The following EMCN variants were observed in gnomAD, a reference collection of about 807,000 sequenced individuals.
The protein encoded by EMCN is endomucin.
In EMCN, 37 loss-of-function variants were observed where a neutral mutation model predicts 38.4. The observed-to-expected ratio is 0.96, with a 90% CI of 0.74 to 1.27. The LOEUF (loss-of-function observed/expected upper bound fraction) is 1.27. Among genes scored for constraint, EMCN ranks in the 50% most tolerant of loss-of-function variants. The pLI is 0.00. For synonymous variants in EMCN, 95 were observed against 100.8 expected (o/e 0.94, Z 0.35); for missense variants, 318 against 302.8 (o/e 1.05, Z -0.37).
chr4:100,487,559 C>A (rs529838687), intron 1 of EMCN, among the ~76,000 whole-genome samples: 25 of 152,298 alleles, frequency 1.6e-4, no homozygotes, highest in African/African-American at 5.5e-4. Context: ...ATTGTGATCT[C>A]CATAATCCCC....
At chr4:100,402,653 A>G (rs761025490) in intron 11 of EMCN, among the ~76,000 whole-genome samples, 15 of 152,196 alleles carry the variant, frequency 9.9e-5, no homozygotes, top group Non-Finnish European at 2.1e-4. Context: ...AAGGAGCAAT[A>G]AAAGTTATTT....
rs114784883 is a variant in EMCN at position 100,401,660 on chromosome 4, A to G, written c.*40-3287T>C. 8.5e-3 allele frequency among the ~76,000 whole-genome samples: 1,297 copies of G among 152,310 alleles called. 11 individuals carry two copies. Among genetic ancestry groups the G allele is most frequent in the Non-Finnish European group, 0.016 (1,080 of 68,004 alleles). ...GCTACTCCCAGATTATCAGGGCACC[A>G]TTAAGAAAATTACAGAAGTATCAGG... On this transcript the variant is annotated intron_variant, in intron 11 of 11. Coordinates refer to ENST00000296420, the MANE Select transcript of EMCN (RefSeq NM_016242.4).
chr4:100,426,839 G>A (rs1727058717), intron 5 of EMCN, among the ~76,000 whole-genome samples: 3 of 152,092 alleles, frequency 2.0e-5, no homozygotes, highest in Admixed American at 2.0e-4. Context: ...TCCAACTTCA[G>A]AGTCACTGTA....
intron 1 of EMCN, among the ~76,000 whole-genome samples, chr4:100,505,851 C>T (rs140878605): frequency 1.3e-5 from 2 of 152,190 alleles, no homozygotes; most frequent in Non-Finnish European, 2.9e-5. Flanking sequence ...GCATGACCTA[C>T]AAGAGAGAAA....
rs895984477 is a variant in EMCN at position 100,475,098 on chromosome 4, T to C, written c.199A>G (p.Asn67Asp). Residue 67 changes from asparagine to aspartate, a missense_variant, in exon 3 of 12, where the codon AAT becomes GAT. Physicochemically the swap from Asn to Asp is conservative, Grantham distance 23. Transcript: ENST00000296420. ...ATCAGAGACATTTTAAGTAATTCAT[T>C]GGTGATTGTTCCTAGTTTGATAAAA... ...TGTTPKGTIT[N>D]ELLKMSLMST... 3 of 1,511,160 alleles carry C rather than the reference T, an allele frequency of 2.0e-6. No individual in the cohort carries two copies. Among genetic ancestry groups the C allele is most frequent in the Non-Finnish European group, 2.7e-6 (3 of 1,107,826 alleles). 93.6% of individuals were successfully genotyped at this position (1,511,160 alleles called of 1,614,324 possible). A position where few individuals can be genotyped will look rare whatever the true frequency, so the allele number is the denominator to read the frequency against.
chr4:100,419,496 C>T (rs917347388), intron 8 of EMCN, among the ~76,000 whole-genome samples: 6 of 152,062 alleles, frequency 3.9e-5, no homozygotes, highest in African/African-American at 1.2e-4. Context: ...TTTATACATC[C>T]ATGGAAACCG....
At chr4:100,399,720 G>A (rs1726205582) in intron 11 of EMCN, among the ~76,000 whole-genome samples, 1 of 152,044 alleles carries the variant, frequency 6.6e-6, no homozygotes, top group Non-Finnish European at 1.5e-5. Context: ...CCAAGGTCAA[G>A]TGAGGGGTTC....
At chr4:100,414,587 A>T (rs1391917138) in intron 10 of EMCN, among the ~76,000 whole-genome samples, 1 of 151,854 alleles carries the variant, frequency 6.6e-6, no homozygotes, top group Non-Finnish European at 1.5e-5. Flanking sequence ...AGCAAAGGAG[A>T]TCTCTCCTAA....
At chr4:100,434,780 G>A (rs1364214883) in intron 5 of EMCN, among the ~76,000 whole-genome samples, 2 of 152,104 alleles carry the variant, frequency 1.3e-5, no homozygotes, top group African/African-American at 4.8e-5. Context: ...AAAACCACAC[G>A]ATTGTCTCAA....
intron 4 of EMCN, among the ~76,000 whole-genome samples, chr4:100,451,429 G>A (rs1727836601): frequency 6.6e-6 from 1 of 151,710 alleles, no homozygotes; most frequent in Admixed American, 6.6e-5. Flanking sequence ...TGGGACAAAT[G>A]AAAAATATAC....
chr4:100,502,546 A>G (rs1381599088), intron 1 of EMCN, among the ~76,000 whole-genome samples: 3 of 152,108 alleles, frequency 2.0e-5, no homozygotes, highest in African/African-American at 7.2e-5. Context: ...AATAATATCA[A>G]TTTTGATTTT....
chr4:100,402,125 AC>A, intron 11 of EMCN, among the ~76,000 whole-genome samples: 1 of 152,048 alleles, frequency 6.6e-6, no homozygotes, highest in Admixed American at 6.6e-5. Context: ...CGTATTTGCT[AC>A]CCCTCTTGTA....
At chr4:100,459,306 T>TAC (rs1045168456) in intron 4 of EMCN, among the ~76,000 whole-genome samples, 1 of 151,036 alleles carries the variant, frequency 6.6e-6, no homozygotes, top group African/African-American at 2.4e-5. Context: ...GTGTACACCA[T>TAC]ATATATATAC....
chr4:100,425,149 G>GCACACACACACACA (rs57293882), intron 5 of EMCN, among the ~76,000 whole-genome samples: 14,418 of 141,060 alleles, frequency 0.1, 914 homozygotes, highest in African/African-American at 0.13. Flanking sequence ...TCTGAATCCA[G>GCACACACACACACA]CACACACACA....
intron 4 of EMCN, among the ~76,000 whole-genome samples, chr4:100,462,652 T>G (rs1222507769): frequency 6.6e-6 from 1 of 152,102 alleles, no homozygotes; most frequent in Non-Finnish European, 1.5e-5. Flanking sequence ...AAGGTGCCTT[T>G]TAGATATATA....
intron 5 of EMCN, among the ~76,000 whole-genome samples, chr4:100,423,951 G>A (rs1051367268): frequency 2.6e-5 from 4 of 151,940 alleles, no homozygotes; most frequent in Admixed American, 1.3e-4. Context: ...GTTTTATTAT[G>A]TGCCTTTTCT....
intron 10 of EMCN, among the ~76,000 whole-genome samples, chr4:100,413,132 T>C (rs1726610590): frequency 6.6e-6 from 1 of 152,216 alleles, no homozygotes; most frequent in Admixed American, 6.5e-5. Context: ...TTATGACCAC[T>C]GAAGCTCAAA....
chr4:100,434,678 T>C (rs1727299092), intron 5 of EMCN, among the ~76,000 whole-genome samples: 2 of 152,138 alleles, frequency 1.3e-5, no homozygotes, highest in Non-Finnish European at 2.9e-5. Context: ...TTATCCACCA[T>C]GATCAAGTTG....
At chr4:100,496,823 T>C (rs1729219112) in intron 1 of EMCN, among the ~76,000 whole-genome samples, 1 of 152,136 alleles carries the variant, frequency 6.6e-6, no homozygotes, top group Admixed American at 6.5e-5. Flanking sequence ...GCTAAAATTA[T>C]CTTAAGTACC....
Sources: allele counts gnomAD v4.1 joint callset (sites outside exome capture counted in the v4.1 genomes callset), GRCh38; gene constraint gnomAD v4.1.1; transcripts MANE v1.5; gene names NCBI Gene and HGNC (gene_info 2026-07-23, HGNC 2026-07-21).